Variants in STK33 observed in about 807,000 individuals in gnomAD.
STK33 encodes serine/threonine-protein kinase 33.
Under a neutral mutation model 58.0 loss-of-function variants are expected in STK33, and 52 were observed. The observed-to-expected ratio is 0.90, with a 90% CI of 0.72 to 1.13. STK33 has a LOEUF of 1.13. Among genes scored for constraint, STK33 ranks in the 50% most tolerant of loss-of-function variants. The pLI, the probability that STK33 is intolerant of heterozygous loss-of-function variation, is 0.00. For missense variants in STK33, 630 were observed against 604.2 expected (o/e 1.04, Z -0.45); for synonymous variants, 215 against 200.1 (o/e 1.07, Z -0.63).
chr11:8,341,476 C>T, the STK33 span, among the ~76,000 whole-genome samples: 1 of 152,250 alleles, frequency 6.6e-6, no homozygotes, highest in East Asian at 1.9e-4. Flanking sequence ...ATCTTCCCCA[C>T]TCAGTGGCTT....
the STK33 span, among the ~76,000 whole-genome samples, chr11:8,354,335 C>T: frequency 1.3e-5 from 2 of 152,050 alleles, no homozygotes; most frequent in Admixed American, 6.5e-5. Flanking sequence ...CATCCTATTT[C>T]CCCAGATAAA....
At chr11:8,336,727 C>T in the STK33 span, among the ~76,000 whole-genome samples, 1 of 152,250 alleles carries the variant, frequency 6.6e-6, no homozygotes, top group Non-Finnish European at 1.5e-5. Context: ...TAAATTGGAT[C>T]TGTGCTTGGG....
At chr11:8,436,621 C>G (rs776970658) in intron 12 of STK33, among the ~76,000 whole-genome samples, 5 of 152,166 alleles carry the variant, frequency 3.3e-5, no homozygotes, top group Non-Finnish European at 5.9e-5. Flanking sequence ...TAATGGCCAC[C>G]TAAGGCTTTT....
chr11:8,464,722 A>C lies in STK33; in HGVS notation c.440T>G (p.Val147Gly). Residue 147 changes from valine to glycine, a missense_variant, in exon 7 of 16, where the codon GTG becomes GGG. Val to Gly is a moderately radical substitution (Grantham distance 109). Coordinates refer to ENST00000687296, the MANE Select transcript of STK33 (RefSeq NM_001352389.2). ...AATGAGCCTTACCTTTTCTTTGTTC[A>C]CTTTTTTAATTGCCCACTTCGTTTC... ...ETETKWAIKKVNKEKAGSSAV... is the reference protein window; with the variant it reads ...ETETKWAIKKGNKEKAGSSAV... 1 of 1,611,804 alleles carries C rather than the reference A, an allele frequency of 6.2e-7. No individual in the cohort carries two copies.
intron 11 of STK33, among the ~76,000 whole-genome samples, chr11:8,447,350 C>A (rs1463770900): frequency 6.7e-6 from 1 of 150,186 alleles, no homozygotes; most frequent in Non-Finnish European, 1.5e-5. Context: ...GAATTTTAGA[C>A]CAATATCTCT....
chr11:8,361,952 T>C, the STK33 span, among the ~76,000 whole-genome samples: 1 of 152,158 alleles, frequency 6.6e-6, no homozygotes, highest in East Asian at 1.9e-4. The surrounding 1 kb of genome is among the most constrained non-coding windows in gnomAD (Gnocchi z 4.8). Context: ...CTTTCTCACC[T>C]GGTCAGACAC....
At chr11:8,589,104 T>C (rs2032187413) in intron 1 of STK33, among the ~76,000 whole-genome samples, 1 of 152,164 alleles carries the variant, frequency 6.6e-6, no homozygotes. Flanking sequence ...GAAAACAATT[T>C]GACAGTTCCT....
In STK33 at chr11:8,439,869, T is replaced by TTA. The variant is rs551629890; in HGVS notation, c.947+807_947+808dup. Among the ~76,000 whole-genome samples the TTA allele has an allele frequency of 6.9e-3, 744 of 107,224 alleles. 51 individuals are homozygous for TTA. The highest frequency in any genetic ancestry group is 0.013 in the African/African-American group (384 of 29,142). 70.3% of individuals were successfully genotyped at this position (107,224 alleles called of 152,430 possible). On this transcript the variant is annotated intron_variant, in intron 12 of 15. Coordinates refer to ENST00000687296, the MANE Select transcript of STK33 (RefSeq NM_001352389.2). ...AGATTACATATATATTATATTATAA[T>TTA]TATATATATATATATATCAGAGGCT... is the stretch of plus-strand genomic sequence containing the variant.
chr11:8,510,505 G>C (rs992539437), intron 1 of STK33, among the ~76,000 whole-genome samples: 7 of 151,916 alleles, frequency 4.6e-5, no homozygotes, highest in Non-Finnish European at 1.0e-4. Context: ...TTTTAATTTA[G>C]TTAGGTCCCA....
chr11:8,443,195 T>C (rs1292987263), intron 11 of STK33, among the ~76,000 whole-genome samples: 2 of 152,138 alleles, frequency 1.3e-5, no homozygotes, highest in African/African-American at 4.8e-5. Context: ...TCAACAGAAG[T>C]GGCAAGCAAA....
chr11:8,392,569 T>C lies in STK33; in HGVS notation c.1486A>G (p.Thr496Ala). The change falls in exon 16 of 16, where the codon ACA (threonine) becomes GCA (alanine). Residue 496 changes from threonine (T) to alanine (A), a missense_variant. Physicochemically the swap from Thr to Ala is moderately conservative, Grantham distance 58. Transcript: ENST00000687296. ...EKTPVTPSQG[T>A]ATKYPAKSGA... The stretch of plus-strand genomic sequence containing the variant: ...GATTTAGCAGGGTACTTGGTTGCTG[T>C]TCCTTGGCTTGGAGTCACAGGGGTT... The C allele has an allele frequency of 6.2e-7, 1 of 1,614,236 alleles. No homozygotes were observed. The highest frequency in any genetic ancestry group is 8.5e-7 in the Non-Finnish European group (1 of 1,180,040).
intron 1 of STK33, among the ~76,000 whole-genome samples, chr11:8,500,830 G>A (rs1471569564): frequency 6.6e-6 from 1 of 152,128 alleles, no homozygotes; most frequent in African/African-American, 2.4e-5. Context: ...GCCTACAACA[G>A]ACATATAGAT....
chr11:8,563,482 G>T (rs1244272748), intron 1 of STK33, among the ~76,000 whole-genome samples: 2 of 152,134 alleles, frequency 1.3e-5, no homozygotes, highest in Non-Finnish European at 2.9e-5. Flanking sequence ...GTAGGTATAT[G>T]AATGTAAAAT....
intron 1 of STK33, among the ~76,000 whole-genome samples, chr11:8,564,112 T>C (rs559530607): frequency 7.0e-4 from 107 of 152,282 alleles, no homozygotes; most frequent in African/African-American, 2.5e-3. Context: ...AATATGACTT[T>C]AGGGGCAGGA....
At chr11:8,396,461 T>A (rs1418612363) in intron 15 of STK33, among the ~76,000 whole-genome samples, 1 of 152,194 alleles carries the variant, frequency 6.6e-6, no homozygotes, top group Non-Finnish European at 1.5e-5. Context: ...GAAAGCAGAA[T>A]CCTAAAAGTT....
chr11:8,546,874 A>C (rs1314202706), intron 1 of STK33, among the ~76,000 whole-genome samples: 2 of 152,160 alleles, frequency 1.3e-5, no homozygotes, highest in Non-Finnish European at 2.9e-5. Context: ...TGGCTACTGT[A>C]AATAGTGCTG....
At chr11:8,427,253 T>G (rs901116467) in intron 14 of STK33, among the ~76,000 whole-genome samples, 3 of 152,196 alleles carry the variant, frequency 2.0e-5, no homozygotes, top group African/African-American at 7.2e-5. Flanking sequence ...CATTTTAACT[T>G]TAAAGTTCTT....
chr11:8,472,437 C>A (rs916793790), intron 6 of STK33, among the ~76,000 whole-genome samples: 1 of 152,062 alleles, frequency 6.6e-6, no homozygotes, highest in Non-Finnish European at 1.5e-5. Context: ...TATTAATTGG[C>A]CTAATTTCAA....
chr11:8,503,330 A>T (rs1230512326), intron 1 of STK33, among the ~76,000 whole-genome samples: 3 of 152,058 alleles, frequency 2.0e-5, no homozygotes, highest in Non-Finnish European at 2.9e-5. Context: ...ACATAGATGG[A>T]TTGGAGGCCA....
Sources: allele counts gnomAD v4.1 joint callset (sites outside exome capture counted in the v4.1 genomes callset), GRCh38; gene constraint gnomAD v4.1.1; non-coding constraint Gnocchi (gnomAD v3.1); transcripts MANE v1.5; gene names NCBI Gene and HGNC (gene_info 2026-07-23, HGNC 2026-07-21).